The following CNDP1 variants were observed in gnomAD, a reference collection of about 807,000 sequenced individuals.
CNDP1 encodes the protein beta-Ala-His dipeptidase.
Under a neutral mutation model 58.1 loss-of-function variants are expected in CNDP1, and 44 were observed. The observed-to-expected ratio is 0.76, with a 90% confidence interval of 0.60 to 0.97. CNDP1 has a LOEUF of 0.97. Among genes scored for constraint, CNDP1 ranks in the 50% least tolerant of loss-of-function variants. CNDP1 has a pLI of 0.00. For missense variants in CNDP1, 616 were observed against 655.1 expected, an observed-to-expected ratio of 0.94 and a Z score of 0.65; for synonymous variants, 254 against 252.6, an observed-to-expected ratio of 1.01 and a Z score of -0.05.
chr18:74,559,395 A>G lies in CNDP1; in HGVS notation c.226A>G (p.Arg76Gly). Residue 76 changes from arginine to glycine, a missense_variant, in exon 3 of 12, where the codon AGA becomes GGA. Transcript: ENST00000358821. Reference sequence around the variant, plus strand: ...GCCTCGCTTCAGACAAGAGCTCTTCAGAATGATGGCCGTGGCTGCGGACAC... The same window carrying G: ...GCCTCGCTTCAGACAAGAGCTCTTCGGAATGATGGCCGTGGCTGCGGACAC... ...PVPRFRQELF[R>G]MMAVAADTLQ... The G allele has an allele frequency of 6.2e-7, 1 of 1,613,810 alleles. No homozygotes were observed. Among genetic ancestry groups the G allele is most frequent in the Non-Finnish European group, 8.5e-7 (1 of 1,179,972 alleles).
rs773993247 is a variant in CNDP1 at position 74,562,179 on chromosome 18, AACG to A, written c.555+47_555+49del. On this transcript the variant is annotated intron_variant, in intron 5 of 11. Coordinates refer to ENST00000358821, the MANE Select transcript of CNDP1 (RefSeq NM_032649.6). ...TGGGAGAGAGGAGGAGGAGGATGGT[AACG>A]ACAACTTTCTTTGAGTTGTTTGCTG... 6 of 1,566,660 alleles carry A rather than the reference AACG, an allele frequency of 3.8e-6. No individual in the cohort carries two copies. The African/African-American group carries it at 5.4e-5, about 14-fold the overall frequency.
At chr18:74,539,377 G>A (rs548239816) in intron 1 of CNDP1, among the ~76,000 whole-genome samples, 9 of 152,222 alleles carry the variant, frequency 5.9e-5, no homozygotes, top group Middle Eastern at 3.4e-3. Context: ...ACTGTCTCAC[G>A]AAGGGTCTGA....
At position 74,545,835 on chromosome 18, in the gene CNDP1, G is replaced by A. The variant is rs186268180; in HGVS notation, c.25-10503G>A. Among the ~76,000 whole-genome samples, 9 of 152,290 alleles carry A rather than the reference G, an allele frequency of 5.9e-5. No individual in the cohort carries two copies. Among genetic ancestry groups the A allele is most frequent in the African/African-American group, 1.7e-4 (7 of 41,536 alleles). ...GTGGCTCTGGTGTGGCCACAGCTAC[G>A]ATATCTCCAAAGGAGAATGTTCGCC... On this transcript the variant is annotated intron_variant, in intron 1 of 11. Transcript: ENST00000358821. The surrounding 1 kb of genome is among the most constrained non-coding windows in gnomAD (Gnocchi z 4.1).
intron 2 of CNDP1, among the ~76,000 whole-genome samples, chr18:74,558,388 T>TTTTC (rs1423054939): frequency 8.9e-6 from 1 of 112,440 alleles, no homozygotes; most frequent in Admixed American, 1.0e-4. Flanking sequence ...ATTACTTTCT[T>TTTTC]TTTCTTTTTT....
At chr18:74,581,766 G>C (rs72981759) in intron 10 of CNDP1, among the ~76,000 whole-genome samples, 14,320 of 152,228 alleles carry the variant, frequency 0.094, 694 homozygotes, top group South Asian at 0.14. Flanking sequence ...CACCAGGAGG[G>C]GGACCCTGCC....
chr18:74,578,427 TATC>T, intron 9 of CNDP1, 100 bp downstream of exon 9: 1 of 1,013,868 alleles, frequency 9.9e-7, no homozygotes, highest in Non-Finnish European at 1.4e-6. Context: ...ACCATTGGAG[TATC>T]ATTTTTTTCC....
chr18:74,583,926 C>G (rs1477172916), intron 11 of CNDP1: 1 of 536,760 alleles, frequency 1.9e-6, no homozygotes, highest in African/African-American at 1.9e-5. Flanking sequence ...GGCTGTCTTC[C>G]TGGCCGTCCC....
chr18:74,581,962 C>T (rs1272647362), intron 10 of CNDP1, among the ~76,000 whole-genome samples: 2 of 152,220 alleles, frequency 1.3e-5, no homozygotes, highest in Admixed American at 6.5e-5. Context: ...GAAGCACTAA[C>T]TCTCTCTCAG....
Position 74,584,776 on chromosome 18 carries a change from C to T in CNDP1, c.*214C>T. 1.9e-6 allele frequency: 1 copy of T among 517,204 alleles called. No homozygotes were observed. Among genetic ancestry groups the T allele is most frequent in the Non-Finnish European group, 3.5e-6 (1 of 288,824 alleles). 32.0% of individuals were successfully genotyped at this position (517,204 alleles called of 1,614,324 possible). A position where few individuals can be genotyped will look rare whatever the true frequency, so the allele number is the denominator to read the frequency against. On this transcript the variant is annotated 3_prime_UTR_variant, in exon 12 of 12. Transcript: ENST00000358821. The stretch of plus-strand genomic sequence containing the variant: ...TTTAAGGTCCCCCACTGCACACCTT[C>T]CTCAAGTCATAGCTGCTTGCAGCAA...
intron 2 of CNDP1, among the ~76,000 whole-genome samples, chr18:74,558,392 C>CTTTTTT (rs71168498): frequency 0.019 from 2,217 of 113,930 alleles, 98 homozygotes; most frequent in Non-Finnish European, 0.025. Context: ...CTTTCTTTTT[C>CTTTTTT]TTTTTTTTTT....
intron 2 of CNDP1, among the ~76,000 whole-genome samples, chr18:74,556,893 C>T (rs1429284017): frequency 6.6e-6 from 1 of 152,328 alleles, no homozygotes; most frequent in South Asian, 2.1e-4. Flanking sequence ...GGCACTTTAT[C>T]TCCTTCATTC....
rs912057083 is a variant in CNDP1 at position 74,585,846 on chromosome 18, T to A, written c.*1284T>A. ...CCTGTCTCTACTGAATATACAAAATTAACTGGGCATGGTGGTGCATGCCTG... is the reference window on the plus strand; with the variant it reads ...CCTGTCTCTACTGAATATACAAAATAAACTGGGCATGGTGGTGCATGCCTG... On this transcript the variant is annotated 3_prime_UTR_variant, in exon 12 of 12. Coordinates refer to ENST00000358821, the MANE Select transcript of CNDP1 (RefSeq NM_032649.6). 6.6e-6 allele frequency: 1 copy of A among 151,418 alleles called. No homozygotes were observed. The highest frequency in any genetic ancestry group is 1.5e-5 in the Non-Finnish European group (1 of 67,794). The allele number at this position is 151,418 out of a possible 1,614,324, so 9.4% of individuals were successfully genotyped here. A position where few individuals can be genotyped will look rare whatever the true frequency, so the allele number is the denominator to read the frequency against.
At chr18:74,556,784 C>T (rs1981053869) in intron 2 of CNDP1, among the ~76,000 whole-genome samples, 1 of 152,224 alleles carries the variant, frequency 6.6e-6, no homozygotes, top group African/African-American at 2.4e-5. Context: ...ATTCCTAATG[C>T]CACCTGACGT....
Position 74,560,983 on chromosome 18 carries a change from G to T in CNDP1, c.431G>T (p.Trp144Leu), listed in dbSNP as rs759880359. 2 of 1,613,994 alleles carry T rather than the reference G, an allele frequency of 1.2e-6. No individual in the cohort carries two copies. The highest frequency in any genetic ancestry group is 1.7e-6 in the Non-Finnish European group (2 of 1,180,012). The change falls in exon 4 of 12, where the codon TGG (tryptophan) becomes TTG (leucine). Residue 144 changes from tryptophan (W) to leucine (L), a missense_variant. Coordinates refer to ENST00000358821, the MANE Select transcript of CNDP1 (RefSeq NM_032649.6). ...DVQPADRGDGWLTDPYVLTEV... is the reference protein window; with the variant it reads ...DVQPADRGDGLLTDPYVLTEV... ...CAGCCTGCTGACCGGGGCGATGGGTGGCTCACGGACCCCTATGTGCTGACG... is the reference window on the plus strand; with the variant it reads ...CAGCCTGCTGACCGGGGCGATGGGTTGCTCACGGACCCCTATGTGCTGACG...
At chr18:74,576,317 A>T (rs1047739732) in intron 7 of CNDP1, 7 of 151,838 alleles carry the variant, frequency 4.6e-5, no homozygotes, top group African/African-American at 1.7e-4. Flanking sequence ...GGCATGTGCC[A>T]CCATGCCCTG....
At chr18:74,575,356 C>T (rs1460633127) in intron 7 of CNDP1, among the ~76,000 whole-genome samples, 1 of 152,218 alleles carries the variant, frequency 6.6e-6, no homozygotes, top group African/African-American at 2.4e-5. Context: ...TGTCCTTACG[C>T]AGAAGACTGT....
rs957401003 is a variant in CNDP1, at chr18:74,585,318, T to C, written c.*756T>C. On this transcript the variant is annotated 3_prime_UTR_variant, in exon 12 of 12. Transcript: ENST00000358821. ...GCCCACTCTCTCTCTATCCAACATC[T>C]GTGCACAGGTTGCACCAGAGCAGAA... 3.9e-5 allele frequency: 6 copies of C among 152,230 alleles called. No homozygotes were observed. Among genetic ancestry groups the C allele is most frequent in the African/African-American group, 1.4e-4 (6 of 41,452 alleles). The allele number at this position is 152,230 out of a possible 1,614,324, so 9.4% of individuals were successfully genotyped here.
intron 10 of CNDP1, among the ~76,000 whole-genome samples, chr18:74,582,330 T>C (rs887387673): frequency 6.6e-6 from 1 of 152,222 alleles, no homozygotes; most frequent in Non-Finnish European, 1.5e-5. Flanking sequence ...TGTTTCATTT[T>C]TCATCCCACT....
intron 1 of CNDP1, among the ~76,000 whole-genome samples, chr18:74,538,606 A>G (rs1473561850): frequency 6.6e-6 from 1 of 152,146 alleles, no homozygotes; most frequent in Non-Finnish European, 1.5e-5. Flanking sequence ...TGTCTGAGGA[A>G]CTGCCAGACT....
Sources: allele counts gnomAD v4.1 joint callset (sites outside exome capture counted in the v4.1 genomes callset), GRCh38; gene constraint gnomAD v4.1.1; non-coding constraint Gnocchi (gnomAD v3.1); transcripts MANE v1.5; gene names NCBI Gene and HGNC (gene_info 2026-07-23, HGNC 2026-07-21).